Variants in GALNT13 observed in about 807,000 individuals in gnomAD.
The protein encoded by GALNT13 is UDP-GalNAc:polypeptide N-acetylgalactosaminyltransferase 13.
In GALNT13, 28 loss-of-function variants were observed where a neutral mutation model predicts 64.2. The ratio of observed to expected loss-of-function variants is 0.44; its 90% confidence interval spans 0.32 to 0.60. The LOEUF (loss-of-function observed/expected upper bound fraction) is 0.60. GALNT13 is among the 20% of genes least tolerant of loss of function. GALNT13 has a pLI of 0.05. For missense variants in GALNT13, 577 were observed against 669.8 expected (o/e 0.86, Z 1.53); for synonymous variants, 214 against 224.6 (o/e 0.95, Z 0.42).
the GALNT13 span, among the ~76,000 whole-genome samples, chr2:153,702,816 T>G: frequency 6.6e-6 from 1 of 152,134 alleles, no homozygotes; most frequent in African/African-American, 2.4e-5. Flanking sequence ...GACTAAGATC[T>G]GTAGTAAGGA....
chr2:154,140,223 T>C (rs1683181297), intron 3 of GALNT13, 114 bp from the exon 4 acceptor site: 1 of 728,310 alleles, frequency 1.4e-6, no homozygotes, highest in Non-Finnish European at 2.2e-6. Context: ...CATTATATTA[T>C]AAAACCTGTA....
chr2:153,460,892 G>T, the GALNT13 span, among the ~76,000 whole-genome samples: 1 of 152,066 alleles, frequency 6.6e-6, no homozygotes, highest in Non-Finnish European at 1.5e-5. Flanking sequence ...TACACTTGAA[G>T]AATTTCCATA....
chr2:153,487,506 G>A, the GALNT13 span, among the ~76,000 whole-genome samples: 3 of 152,174 alleles, frequency 2.0e-5, no homozygotes, highest in African/African-American at 7.2e-5. Flanking sequence ...ACATTCTCTA[G>A]GGGTATAGAT....
At chr2:153,778,393 A>G in the GALNT13 span, among the ~76,000 whole-genome samples, 1 of 152,204 alleles carries the variant, frequency 6.6e-6, no homozygotes, top group Non-Finnish European at 1.5e-5. Context: ...AGCCCTAGTC[A>G]GGGACCACGC....
chr2:154,216,960 T>A lies in GALNT13; in HGVS notation c.312-25070T>A, dbSNP rs139699462. On this transcript the variant is annotated intron_variant, in intron 4 of 12. Coordinates refer to ENST00000392825, the MANE Select transcript of GALNT13 (RefSeq NM_052917.4). Reference sequence around the variant, plus strand: ...TGGACCACCACATCAAGCTATTTTTTTTTTTTTATTTTTTTAGAGATGGGG... The same window carrying A: ...TGGACCACCACATCAAGCTATTTTTATTTTTTTATTTTTTTAGAGATGGGG... 7.2e-3 allele frequency among the ~76,000 whole-genome samples: 1,090 copies of A among 151,534 alleles called. 9 individuals are homozygous for A. The highest frequency in any genetic ancestry group is 0.024 in the African/African-American group (984 of 41,310).
rs74887157 is a variant in GALNT13, at chr2:153,986,304, C to T, written c.142+41665C>T. The stretch of plus-strand genomic sequence containing the variant: ...AATCAGAGGAAAAATGTGTCATACT[C>T]AAAAATATATATCCCTCATTTAAAA... On this transcript the variant is annotated intron_variant, in intron 3 of 12. Coordinates refer to ENST00000392825, the MANE Select transcript of GALNT13 (RefSeq NM_052917.4). Among the ~76,000 whole-genome samples, 782 of 151,956 alleles carry T rather than the reference C, an allele frequency of 5.1e-3. 11 individuals carry two copies. Among genetic ancestry groups the T allele is most frequent in the Non-Finnish European group, 5.6e-3 (378 of 67,906 alleles).
At chr2:154,055,682 T>C (rs1026581287) in intron 3 of GALNT13, among the ~76,000 whole-genome samples, 2 of 152,056 alleles carry the variant, frequency 1.3e-5, no homozygotes, top group Non-Finnish European at 2.9e-5. Context: ...CTCTTAAAAG[T>C]ATAAGGAGCT....
chr2:154,189,538 G>A (rs550598089), intron 4 of GALNT13, among the ~76,000 whole-genome samples: 32 of 147,616 alleles, frequency 2.2e-4, no homozygotes, highest in Non-Finnish European at 3.9e-4. Flanking sequence ...CCTCACGTCC[G>A]CACCTGAGCA....
chr2:153,825,274 T>G, the GALNT13 span, among the ~76,000 whole-genome samples: 2 of 152,138 alleles, frequency 1.3e-5, no homozygotes, highest in Admixed American at 6.6e-5. Flanking sequence ...CCCAAAATGT[T>G]AATAGTACTG....
intron 3 of GALNT13, among the ~76,000 whole-genome samples, chr2:153,971,237 C>T (rs1693716295): frequency 6.6e-6 from 1 of 152,154 alleles, no homozygotes; most frequent in South Asian, 2.1e-4. Flanking sequence ...CACATGGCCA[C>T]ACTATTTGAA....
the GALNT13 span, among the ~76,000 whole-genome samples, chr2:153,163,744 A>G: frequency 7.2e-5 from 11 of 152,288 alleles, no homozygotes; most frequent in Middle Eastern, 3.4e-3. Context: ...GGCTGGCCGG[A>G]CGCGGAGGCT....
At chr2:154,366,820 A>G (rs546386503) in intron 9 of GALNT13, among the ~76,000 whole-genome samples, 1 of 152,308 alleles carries the variant, frequency 6.6e-6, no homozygotes, top group South Asian at 2.1e-4. Context: ...CAAAAAAGCA[A>G]GTCTAAGTTT....
At chr2:154,140,182 G>C (rs1683177423) in intron 3 of GALNT13, among the ~76,000 whole-genome samples, 155 bp from the exon 4 acceptor site, 1 of 152,024 alleles carries the variant, frequency 6.6e-6, no homozygotes, top group Admixed American at 6.6e-5. Context: ...CTTTAGCAGA[G>C]TGTGTGGTTT....
chr2:153,579,386 C>G, the GALNT13 span, among the ~76,000 whole-genome samples: 2 of 151,960 alleles, frequency 1.3e-5, no homozygotes, highest in African/African-American at 2.4e-5. Context: ...TATTGTTAAG[C>G]CATCAGTCGA....
At chr2:153,417,762 A>G in the GALNT13 span, among the ~76,000 whole-genome samples, 5 of 152,166 alleles carry the variant, frequency 3.3e-5, no homozygotes, top group Non-Finnish European at 5.9e-5. Flanking sequence ...TGGATATACG[A>G]AGTAAGATTG....
the GALNT13 span, among the ~76,000 whole-genome samples, chr2:153,239,855 T>G: frequency 6.6e-6 from 1 of 152,150 alleles, no homozygotes; most frequent in Non-Finnish European, 1.5e-5. Context: ...AGTTTGGAAG[T>G]ATTGCCTCTA....
Position 153,893,683 on chromosome 2 carries a change from A to G in GALNT13, c.-176-7253A>G, listed in dbSNP as rs143458361. On this transcript the variant is annotated intron_variant, in intron 1 of 12. Transcript: ENST00000392825. ...AGATTAGATTTTGGAATATAAATAA[A>G]TATTATTTGGGACATTATTTTTATG... 7.4e-3 allele frequency among the ~76,000 whole-genome samples: 1,132 copies of G among 152,142 alleles called. 17 individuals are homozygous for G. Among genetic ancestry groups the G allele is most frequent in the African/African-American group, 0.026 (1,089 of 41,520 alleles).
the GALNT13 span, among the ~76,000 whole-genome samples, chr2:153,758,951 T>A: frequency 6.6e-6 from 1 of 152,198 alleles, no homozygotes; most frequent in South Asian, 2.1e-4. Context: ...TATCTTTACA[T>A]TTACTTGTGT....
the GALNT13 span, among the ~76,000 whole-genome samples, chr2:153,668,115 A>G: frequency 6.6e-6 from 1 of 152,164 alleles, no homozygotes; most frequent in Non-Finnish European, 1.5e-5. Context: ...TCATTAAGCA[A>G]GTTCTTAGAG....
Sources: gnomAD v4.1 joint callset for allele counts (sites outside exome capture counted in the v4.1 genomes callset) on GRCh38, gnomAD v4.1.1 for gene constraint, MANE v1.5 for transcripts, NCBI Gene and HGNC (gene_info 2026-07-23, HGNC 2026-07-21) for gene names.